SAXO5: variants seen among roughly 807,000 people sequenced by gnomAD.
SAXO5 encodes testis expressed 45.
chr19:7,507,493 T>C, the SAXO5 span, among the ~76,000 whole-genome samples: 1 of 151,902 alleles, frequency 6.6e-6, no homozygotes, highest in Non-Finnish European at 1.5e-5. Context: ...TGAGACAGAA[T>C]TGCTTGAACC....
chr19:7,500,957 G>A, the SAXO5 span: 1 of 1,570,252 alleles, frequency 6.4e-7, no homozygotes, highest in Non-Finnish European at 8.6e-7. Flanking sequence ...CGTCGCACCG[G>A]GACTTTGCCT....
the SAXO5 span, chr19:7,506,386 A>T: frequency 2.2e-6 from 1 of 447,368 alleles, no homozygotes; most frequent in African/African-American, 4.0e-5. Flanking sequence ...GCTAAATCCC[A>T]CCCCCAATTG....
chr19:7,506,077 C>G, the SAXO5 span: 1 of 1,613,994 alleles, frequency 6.2e-7, no homozygotes, highest in Non-Finnish European at 8.5e-7. Flanking sequence ...CCACCATGGG[C>G]TCGGACTACT....
chr19:7,498,011 C>T, the SAXO5 span, among the ~76,000 whole-genome samples: 1 of 151,248 alleles, frequency 6.6e-6, no homozygotes, highest in African/African-American at 2.4e-5. Context: ...ATTGGCCGGG[C>T]GTGGTGGCGG....
the SAXO5 span, among the ~76,000 whole-genome samples, chr19:7,503,815 G>A: frequency 4.6e-5 from 7 of 152,084 alleles, no homozygotes; most frequent in Non-Finnish European, 8.8e-5. Context: ...ATTTTTTAGA[G>A]ATGAGGGTCT....
At chr19:7,506,819 CCCCAGCGCCTACCTCTTT>C in the SAXO5 span, 1 of 450,356 alleles carries the variant, frequency 2.2e-6, no homozygotes, top group East Asian at 4.3e-5. Context: ...CCTCCCTCTT[CCCCAGCGCCTACCTCTTT>C]CCCAGCTCCT....
the SAXO5 span, chr19:7,508,081 G>T: frequency 1.4e-6 from 1 of 719,522 alleles, no homozygotes; most frequent in South Asian, 1.8e-5. Context: ...GCTCCGCCCC[G>T]ACCAGCTAGC....
the SAXO5 span, among the ~76,000 whole-genome samples, chr19:7,498,077 G>T: frequency 2.0e-5 from 3 of 151,006 alleles, no homozygotes; most frequent in South Asian, 6.2e-4. Flanking sequence ...CTTGAATCCA[G>T]GAGGAAGAGG....
the SAXO5 span, chr19:7,504,258 G>A: frequency 2.5e-6 from 4 of 1,613,720 alleles, no homozygotes; most frequent in South Asian, 3.3e-5. Flanking sequence ...TGCAGGCGGG[G>A]GCAGAATTGG....
chr19:7,498,393 C>CTTTTTTT, the SAXO5 span, among the ~76,000 whole-genome samples: 5 of 115,366 alleles, frequency 4.3e-5, no homozygotes, highest in Admixed American at 1.0e-4. Context: ...GTATTTTTTT[C>CTTTTTTT]TTTTTTTTTT....
At chr19:7,503,724 A>T in the SAXO5 span, among the ~76,000 whole-genome samples, 2 of 152,122 alleles carry the variant, frequency 1.3e-5, no homozygotes, top group African/African-American at 2.4e-5. Context: ...ACCTCAGGTG[A>T]TCCACCTGCC....
chr19:7,502,847 C>CTT, the SAXO5 span, among the ~76,000 whole-genome samples: 1 of 152,290 alleles, frequency 6.6e-6, no homozygotes. Flanking sequence ...GCAGAGAGCA[C>CTT]TTAACAAAGA....
chr19:7,500,890 C>T, the SAXO5 span: 1 of 1,576,660 alleles, frequency 6.3e-7, no homozygotes, highest in East Asian at 2.4e-5. Flanking sequence ...TTCCTCAAGG[C>T]CTCGCACTTC....
At chr19:7,507,105 A>C in the SAXO5 span, 1 of 1,613,568 alleles carries the variant, frequency 6.2e-7, no homozygotes, top group East Asian at 2.2e-5. Context: ...CACACAGAAC[A>C]CCTCCGGCCC....
At chr19:7,498,274 G>C in the SAXO5 span, among the ~76,000 whole-genome samples, 1 of 151,546 alleles carries the variant, frequency 6.6e-6, no homozygotes, top group African/African-American at 2.4e-5. Flanking sequence ...GCGGTAGCGT[G>C]GTCTCGGATC....
chr19:7,502,581 A>G, the SAXO5 span, among the ~76,000 whole-genome samples: 2 of 152,130 alleles, frequency 1.3e-5, no homozygotes, highest in Admixed American at 6.6e-5. Context: ...GAGGGTGGAC[A>G]TATCCTCTGA....
At chr19:7,498,279 C>T in the SAXO5 span, among the ~76,000 whole-genome samples, 3 of 151,530 alleles carry the variant, frequency 2.0e-5, no homozygotes, top group South Asian at 2.1e-4. Context: ...AGCGTGGTCT[C>T]GGATCACTGC....
At chr19:7,506,089 C>T in the SAXO5 span, 1 of 1,613,948 alleles carries the variant, frequency 6.2e-7, no homozygotes, top group Non-Finnish European at 8.5e-7. Context: ...CGGACTACTG[C>T]CCTTCAGAGT....
At chr19:7,501,419 G>C in the SAXO5 span, 1 of 1,462,394 alleles carries the variant, frequency 6.8e-7, no homozygotes, top group African/African-American at 1.5e-5. Flanking sequence ...CGCCCGGGCT[G>C]AGTGGGCGAT....
Sources: gnomAD v4.1 joint callset for allele counts (sites outside exome capture counted in the v4.1 genomes callset) on GRCh38, gnomAD v4.1.1 for gene constraint, MANE v1.5 for transcripts, NCBI Gene and HGNC (gene_info 2026-07-23, HGNC 2026-07-21) for gene names.